Variants in PCDHGA9 observed in about 807,000 individuals in gnomAD.
The protein encoded by PCDHGA9 is protocadherin gamma-A9.
In PCDHGA9, 37 loss-of-function variants were observed where a neutral mutation model predicts 62.5. The observed-to-expected ratio is 0.59, with a 90% CI of 0.46 to 0.78. The LOEUF is 0.78. Ranked by LOEUF, PCDHGA9 falls within the 30% of genes least tolerant of loss-of-function variation. The probability of loss-of-function intolerance (pLI) is 0.00; values close to 1 mark genes in which losing one functional copy is unlikely to be tolerated. For synonymous variants in PCDHGA9, 459 were observed against 484.6 expected, an observed-to-expected ratio of 0.95 and a Z score of 0.69; for missense variants, 1,138 against 1,166.2, an observed-to-expected ratio of 0.98 and a Z score of 0.35.
intron 1 of PCDHGA9, chr5:141,408,186 G>A (rs529140572): frequency 1.7e-4 from 266 of 1,542,242 alleles, no homozygotes; most frequent in Non-Finnish European, 2.2e-4. Flanking sequence ...GGGACCCAGC[G>A]AGAACCCGAG....
At chr5:141,447,400 A>G (rs904985523) in intron 1 of PCDHGA9, among the ~76,000 whole-genome samples, 1 of 152,090 alleles carries the variant, frequency 6.6e-6, no homozygotes, top group Non-Finnish European at 1.5e-5. Flanking sequence ...GGCCTCCCAA[A>G]GTGCTGGGAT....
chr5:141,446,778 T>C (rs2098515519), intron 1 of PCDHGA9, among the ~76,000 whole-genome samples: 1 of 152,116 alleles, frequency 6.6e-6, no homozygotes, highest in South Asian at 2.1e-4. Flanking sequence ...GTTACCATTC[T>C]TTTACTCTGA....
intron 1 of PCDHGA9, chr5:141,427,790 C>A: frequency 1.3e-6 from 2 of 1,482,222 alleles, no homozygotes; most frequent in Non-Finnish European, 1.9e-6. Context: ...TGTCGTCCTA[C>A]GTGTCCGTGA....
At chr5:141,501,510 T>G (rs11744379) in intron 2 of PCDHGA9, among the ~76,000 whole-genome samples, 29,206 of 151,772 alleles carry the variant, frequency 0.19, 2,837 homozygotes, top group Middle Eastern at 0.24. Context: ...CTCCAAGGCC[T>G]CCAAGCTGAA....
At position 141,490,561 on chromosome 5, in the gene PCDHGA9, A is replaced by C. The variant is rs2099701634; in HGVS notation, c.2425-4246A>C. The stretch of plus-strand genomic sequence containing the variant: ...TTCCCTACACAAACATCTCACCATC[A>C]GGCTCAACATTTCAGATGTCAATGA... On this transcript the variant is annotated intron_variant, in intron 1 of 3. Transcript: ENST00000573521. The surrounding 1 kb of genome is among the most constrained non-coding windows in gnomAD (Gnocchi z 5.4). The C allele has an allele frequency of 1.2e-6, 2 of 1,614,090 alleles. No homozygotes were observed. The highest frequency in any genetic ancestry group is 1.7e-4 in the Middle Eastern group (1 of 6,060).
In PCDHGA9 at chr5:141,511,342, C is replaced by G. The variant is rs2099883728; in HGVS notation, c.*169C>G. The stretch of plus-strand genomic sequence containing the variant: ...AACAAGTGCCCAGTCAGCACCTACC[C>G]CTTCCCCCCCAGGGGGTTGAATATG... On this transcript the variant is annotated 3_prime_UTR_variant, in exon 4 of 4. Coordinates refer to ENST00000573521, the MANE Select transcript of PCDHGA9 (RefSeq NM_018921.3). 1 of 1,424,960 alleles carries G rather than the reference C, an allele frequency of 7.0e-7. No homozygotes were observed. Among genetic ancestry groups the G allele is most frequent in the Admixed American group, 2.6e-5 (1 of 38,556 alleles). 88.3% of individuals were successfully genotyped at this position (1,424,960 alleles called of 1,614,324 possible).
At chr5:141,482,809 T>C (rs1295469639) in intron 1 of PCDHGA9, among the ~76,000 whole-genome samples, 1 of 152,170 alleles carries the variant, frequency 6.6e-6, no homozygotes, top group Non-Finnish European at 1.5e-5. Flanking sequence ...CGGTGGCTCA[T>C]GCCTGTAATC....
In PCDHGA9 at chr5:141,487,829, C is replaced by T. The variant is rs528435429; in HGVS notation, c.2425-6978C>T. On this transcript the variant is annotated intron_variant, in intron 1 of 3. Transcript: ENST00000573521. The surrounding 1 kb of genome is among the most constrained non-coding windows in gnomAD (Gnocchi z 5.0). ...GTTTAGCATTGGGGGCGGGTCATGC[C>T]TATATCTGAGTAAGAAATGAAAGTA... The T allele has an allele frequency of 1.1e-4, 125 of 1,182,994 alleles. No homozygotes were observed. In the Middle Eastern group the frequency reaches 3.7e-3, roughly 35 times the overall value. 73.3% of individuals were successfully genotyped at this position (1,182,994 alleles called of 1,614,324 possible).
At chr5:141,468,154 G>A (rs1374898668) in intron 1 of PCDHGA9, among the ~76,000 whole-genome samples, 2 of 151,838 alleles carry the variant, frequency 1.3e-5, no homozygotes, top group African/African-American at 2.4e-5. Flanking sequence ...GTGAAACCCT[G>A]TCTCTGCTAA....
chr5:141,423,525 G>A (rs1014975146), intron 1 of PCDHGA9: 8 of 1,613,710 alleles, frequency 5.0e-6, no homozygotes, highest in African/African-American at 2.7e-5. Context: ...ACTCGCAGAA[G>A]AGTCACCTGA....
rs10038103 is a variant in PCDHGA9 at position 141,414,849 on chromosome 5, C to T, written c.2424+9473C>T. On this transcript the variant is annotated intron_variant, in intron 1 of 3. Transcript: ENST00000573521. ...TGTCGTTGAGCCTGTTTGTGCTGGA[C>T]CAGAACGACAATGCGCCCGAGATCC... The T allele has an allele frequency of 7.9e-4, 1,268 of 1,614,252 alleles. 15 individuals carry two copies. In the African/African-American group the frequency reaches 0.015, roughly 19 times the overall value.
chr5:141,459,595 T>C (rs904266180), intron 1 of PCDHGA9, among the ~76,000 whole-genome samples: 10 of 152,232 alleles, frequency 6.6e-5, no homozygotes, highest in African/African-American at 9.6e-5. Context: ...TCATATGAAA[T>C]GGGAAGTATA....
Position 141,421,718 on chromosome 5 carries a change from G to A in PCDHGA9, c.2424+16342G>A, listed in dbSNP as rs778263773. On this transcript the variant is annotated intron_variant, in intron 1 of 3. Transcript: ENST00000573521. ...CCTAATGCTAGGGATCCAGATGTGGGCGTGAACTCCCTCCAGAGCTACCAG... is the reference window on the plus strand; with the variant it reads ...CCTAATGCTAGGGATCCAGATGTGGACGTGAACTCCCTCCAGAGCTACCAG... 3.1e-6 allele frequency: 5 copies of A among 1,613,848 alleles called. No homozygotes were observed. The highest frequency in any genetic ancestry group is 2.7e-5 in the African/African-American group (2 of 74,938).
intron 1 of PCDHGA9, among the ~76,000 whole-genome samples, chr5:141,457,274 C>T (rs1307741345): frequency 1.3e-5 from 2 of 152,200 alleles, no homozygotes; most frequent in Non-Finnish European, 2.9e-5. Context: ...CCTCTGTGGG[C>T]CTACGAAGTT....
Position 141,486,824 on chromosome 5 carries a change from G to A in PCDHGA9, c.2425-7983G>A, listed in dbSNP as rs749609525. On this transcript the variant is annotated intron_variant, in intron 1 of 3. Coordinates refer to ENST00000573521, the MANE Select transcript of PCDHGA9 (RefSeq NM_018921.3). The surrounding 1 kb of genome is among the most constrained non-coding windows in gnomAD (Gnocchi z 5.0). ...CCCACCCCTTAGCAGCACTGTAACA[G>A]TTCGTCTATTTGTGCTGGACCTCAA... is the stretch of plus-strand genomic sequence containing the variant. 1 of 1,614,218 alleles carries A rather than the reference G, an allele frequency of 6.2e-7. No homozygotes were observed. Among genetic ancestry groups the A allele is most frequent in the Non-Finnish European group, 8.5e-7 (1 of 1,180,028 alleles).
intron 1 of PCDHGA9, chr5:141,423,800 T>C: frequency 1.6e-5 from 14 of 895,104 alleles, no homozygotes; most frequent in East Asian, 1.3e-4. Context: ...TTTAGAGCAA[T>C]ACATGTGAGT....
At position 141,415,593 on chromosome 5, in the gene PCDHGA9, G is replaced by A. The variant is rs201857595; in HGVS notation, c.2424+10217G>A. ...TAGATGATTCGAAGTTTCCTATAGA[G>A]GATACCCCATTGGTTCCAGTGAGTT... On this transcript the variant is annotated intron_variant, in intron 1 of 3. Transcript: ENST00000573521. The A allele has an allele frequency of 7.6e-5, 122 of 1,613,876 alleles. No homozygotes were observed. In the East Asian group the frequency reaches 2.7e-3, roughly 35 times the overall value.
rs114492681 is a variant in PCDHGA9, at chr5:141,408,401, C to A, written c.2424+3025C>A. 1.5e-3 allele frequency: 2,364 copies of A among 1,614,010 alleles called. 32 individuals are homozygous for A. The African/African-American group carries it at 0.028, about 19-fold the overall frequency. On this transcript the variant is annotated intron_variant, in intron 1 of 3. Coordinates refer to ENST00000573521, the MANE Select transcript of PCDHGA9 (RefSeq NM_018921.3). ...CCTGGATGTGTCGGCTCGCAAGCTG[C>A]GAGTGAGCGCGGAGAAGCTGCACTT...
chr5:141,487,004 C>G lies in PCDHGA9; in HGVS notation c.2425-7803C>G. 1 of 1,614,224 alleles carries G rather than the reference C, an allele frequency of 6.2e-7. No homozygotes were observed. The highest frequency in any genetic ancestry group is 1.1e-5 in the South Asian group (1 of 91,086). On this transcript the variant is annotated intron_variant, in intron 1 of 3. Transcript: ENST00000573521. This position sits in a 1 kb window ranked among gnomAD's most constrained non-coding sequence, Gnocchi z 5.0. ...CAATGCTTGGGTTTCCTATCAGCTC[C>G]TGGAGGCCCCAGATCCCAGCCTGTT...
Sources: gnomAD v4.1 joint callset for allele counts (sites outside exome capture counted in the v4.1 genomes callset) on GRCh38, gnomAD v4.1.1 for gene constraint, Gnocchi (gnomAD v3.1) non-coding constraint, MANE v1.5 for transcripts, NCBI Gene and HGNC (gene_info 2026-07-23, HGNC 2026-07-21) for gene names.